Variants in FUT8 observed in about 807,000 individuals in gnomAD.
The protein encoded by FUT8 is fucosyltransferase 8, also known as alpha-(1,6)-fucosyltransferase.
In FUT8, 29 loss-of-function variants were observed where a neutral mutation model predicts 71.3. That is an observed-to-expected ratio of 0.41 (90% CI 0.30 to 0.55). The LOEUF (loss-of-function observed/expected upper bound fraction) is 0.55. Among genes scored for constraint, FUT8 ranks in the 20% least tolerant of loss-of-function variants. The pLI is 0.34. For synonymous variants in FUT8, 254 were observed against 239.3 expected (o/e 1.06, Z -0.57); for missense variants, 544 against 702.1 (o/e 0.77, Z 2.55).
intron 2 of FUT8, among the ~76,000 whole-genome samples, chr14:65,532,552 C>T (rs1409485724): frequency 6.6e-6 from 1 of 151,974 alleles, no homozygotes; most frequent in Non-Finnish European, 1.5e-5. Flanking sequence ...GATTCATAGA[C>T]CTTTACAGTT....
At chr14:65,528,773 G>A (rs1883713744) in intron 2 of FUT8, 1 of 152,016 alleles carries the variant, frequency 6.6e-6, no homozygotes, top group Non-Finnish European at 1.5e-5. Context: ...ATAACTTAAG[G>A]GAAACTGAAG....
intron 1 of FUT8, among the ~76,000 whole-genome samples, chr14:65,451,673 T>G (rs1370461806): frequency 6.6e-6 from 1 of 152,104 alleles, no homozygotes; most frequent in Non-Finnish European, 1.5e-5. Context: ...TTATTGGAAA[T>G]GAAAGGGACT....
intron 7 of FUT8, among the ~76,000 whole-genome samples, chr14:65,701,878 C>T (rs1023600324): frequency 1.3e-5 from 2 of 152,146 alleles, no homozygotes; most frequent in East Asian, 3.9e-4. Context: ...GTAGCCACCT[C>T]GCCTCTCCCT....
chr14:65,553,287 T>C (rs1271703859), intron 2 of FUT8, among the ~76,000 whole-genome samples: 1 of 152,152 alleles, frequency 6.6e-6, no homozygotes, highest in African/African-American at 2.4e-5. Context: ...TCAAATAATA[T>C]AGCAGTTCAT....
intron 2 of FUT8, among the ~76,000 whole-genome samples, chr14:65,526,132 T>TC (rs1883449578): frequency 6.6e-6 from 1 of 152,204 alleles, no homozygotes. Flanking sequence ...ACTTTCTGTC[T>TC]CATTGATCTG....
chr14:65,474,860 A>G lies in FUT8; in HGVS notation c.-228+19142A>G, dbSNP rs55967642. ...ATTTTTGTGGATTTGTTCAGGGAAG[A>G]TAAGATTTATTGTTTATTTTTATTT... On this transcript the variant is annotated intron_variant, in intron 2 of 10. Transcript: ENST00000673929. Among the ~76,000 whole-genome samples, 1,509 of 152,276 alleles carry G rather than the reference A, an allele frequency of 9.9e-3. 19 individuals carry two copies. Among genetic ancestry groups the G allele is most frequent in the African/African-American group, 0.031 (1,288 of 41,534 alleles).
intron 1 of FUT8, among the ~76,000 whole-genome samples, chr14:65,445,500 G>A (rs1455334540): frequency 6.6e-6 from 1 of 152,184 alleles, no homozygotes; most frequent in East Asian, 1.9e-4. Flanking sequence ...GCATGAGGGA[G>A]TTTTTGGGGT....
chr14:65,472,191 T>C lies in FUT8; in HGVS notation c.-228+16473T>C, dbSNP rs1025846678. ...AGTGAGGGCCTTAGGCTACTTCCACTGATAGCAGAAGGCAAAGAGGTGCCA... is the reference window on the plus strand; with the variant it reads ...AGTGAGGGCCTTAGGCTACTTCCACCGATAGCAGAAGGCAAAGAGGTGCCA... On this transcript the variant is annotated intron_variant, in intron 2 of 10. Coordinates refer to ENST00000673929, the MANE Select transcript of FUT8 (RefSeq NM_001371533.1). The surrounding 1 kb of genome is among the most constrained non-coding windows in gnomAD (Gnocchi z 4.4). Among the ~76,000 whole-genome samples, 1 of 152,126 alleles carries C rather than the reference T, an allele frequency of 6.6e-6. No individual in the cohort carries two copies. Among genetic ancestry groups the C allele is most frequent in the Admixed American group, 6.5e-5 (1 of 15,272 alleles).
intron 6 of FUT8, among the ~76,000 whole-genome samples, chr14:65,661,826 A>T (rs937505205): frequency 1.3e-5 from 2 of 152,316 alleles, no homozygotes; most frequent in South Asian, 2.1e-4. Flanking sequence ...GCAAAGTGGA[A>T]ATTAACCTGG....
intron 3 of FUT8, among the ~76,000 whole-genome samples, chr14:65,586,120 CTCAG>C (rs1164673281): frequency 2.6e-5 from 4 of 152,252 alleles, no homozygotes; most frequent in Admixed American, 2.0e-4. Context: ...GAAACACATC[CTCAG>C]GTCAAAATGA....
In FUT8 at chr14:65,572,706, A is replaced by C. The variant is rs73286126; in HGVS notation, c.203+10940A>C. ...GACTTAGCAAGGAAAATTATCAGCG[A>C]TAAAGATGGGTCATTCTGTAGTGAT... On this transcript the variant is annotated intron_variant, in intron 3 of 10. Transcript: ENST00000673929. Among the ~76,000 whole-genome samples the C allele has an allele frequency of 9.4e-3, 1,431 of 152,264 alleles. 22 individuals are homozygous for C. The highest frequency in any genetic ancestry group is 0.033 in the African/African-American group (1,363 of 41,536).
intron 2 of FUT8, among the ~76,000 whole-genome samples, chr14:65,464,951 T>C (rs1469321775): frequency 6.6e-6 from 1 of 152,208 alleles, no homozygotes; most frequent in African/African-American, 2.4e-5. Context: ...ATCTTGAGTG[T>C]GGTGCTTTCT....
chr14:65,534,137 T>G (rs1323899462), intron 2 of FUT8, among the ~76,000 whole-genome samples: 1 of 152,084 alleles, frequency 6.6e-6, no homozygotes, highest in African/African-American at 2.4e-5. Context: ...TTGTCTTTGT[T>G]TTTTGAGCCA....
chr14:65,704,986 C>T (rs1894489440), intron 7 of FUT8, among the ~76,000 whole-genome samples: 2 of 152,340 alleles, frequency 1.3e-5, no homozygotes, highest in Non-Finnish European at 1.5e-5. Context: ...GCAGCAGGCA[C>T]CTCATGAGAA....
intron 7 of FUT8, among the ~76,000 whole-genome samples, chr14:65,710,129 A>G (rs766946907): frequency 6.6e-6 from 1 of 152,200 alleles, no homozygotes; most frequent in East Asian, 1.9e-4. Flanking sequence ...TCCATAAGCA[A>G]TGGTATTCAT....
intron 7 of FUT8, among the ~76,000 whole-genome samples, chr14:65,711,496 A>G (rs1297436516): frequency 6.6e-6 from 1 of 152,104 alleles, no homozygotes; most frequent in East Asian, 1.9e-4. Context: ...TCTCTTTTTT[A>G]TAACAAAAAA....
chr14:65,587,305 C>T (rs548623716), intron 3 of FUT8, among the ~76,000 whole-genome samples: 1 of 152,100 alleles, frequency 6.6e-6, no homozygotes, highest in Non-Finnish European at 1.5e-5. Context: ...AGTTATGATC[C>T]TCACAGATGA....
rs191611536 is a variant in FUT8 at position 65,483,981 on chromosome 14, C to T, written c.-228+28263C>T. 4.1e-4 allele frequency among the ~76,000 whole-genome samples: 63 copies of T among 152,292 alleles called. No homozygotes were observed. The highest frequency in any genetic ancestry group is 7.3e-4 in the Non-Finnish European group (50 of 68,032). On this transcript the variant is annotated intron_variant, in intron 2 of 10. Transcript: ENST00000673929. This position sits in a 1 kb window ranked among gnomAD's most constrained non-coding sequence, Gnocchi z 4.4. Reference sequence around the variant, plus strand: ...GACCTCAAGTATCTGCCCTCCTCGGCCTCCCAAAGTGCTGGGATTAAAGGC... The same window carrying T: ...GACCTCAAGTATCTGCCCTCCTCGGTCTCCCAAAGTGCTGGGATTAAAGGC...
intron 6 of FUT8, among the ~76,000 whole-genome samples, chr14:65,657,097 G>A (rs1042130449): frequency 1.3e-5 from 2 of 152,172 alleles, no homozygotes; most frequent in Non-Finnish European, 2.9e-5. Context: ...AGTGGGTAAA[G>A]ATTTCTTAAG....
Sources: gnomAD v4.1 joint callset for allele counts (sites outside exome capture counted in the v4.1 genomes callset) on GRCh38, gnomAD v4.1.1 for gene constraint, Gnocchi (gnomAD v3.1) non-coding constraint, MANE v1.5 for transcripts, NCBI Gene and HGNC (gene_info 2026-07-23, HGNC 2026-07-21) for gene names.